MAP3K13: variants seen among roughly 807,000 people sequenced by gnomAD.
The protein encoded by MAP3K13 is leucine zipper-bearing kinase.
Under a neutral mutation model 104.0 loss-of-function variants are expected in MAP3K13, and 52 were observed. The observed-to-expected ratio is 0.50, with a 90% CI of 0.40 to 0.63. MAP3K13 has a LOEUF of 0.63. Ranked by LOEUF, MAP3K13 falls within the 20% of genes least tolerant of loss-of-function variation. The pLI, the probability that MAP3K13 is intolerant of heterozygous loss-of-function variation, is 0.00. For synonymous variants in MAP3K13, 394 were observed against 442.2 expected, an observed-to-expected ratio of 0.89 and a Z score of 1.37; for missense variants, 914 against 1,218.5, an observed-to-expected ratio of 0.75 and a Z score of 3.72.
intron 2 of MAP3K13, among the ~76,000 whole-genome samples, chr3:185,353,923 T>A (rs1050877761): frequency 1.7e-4 from 26 of 151,622 alleles, no homozygotes; most frequent in African/African-American, 6.1e-4. Context: ...GGTCATTCCA[T>A]CAAAGAGAAG....
chr3:185,473,185 C>T lies in MAP3K13; in HGVS notation c.1854C>T (p.Pro618=). ...NQPAQENSPH[P]TYLHQAQSQY... ...CAGCCCAGGAAAATTCACCCCATCC[C>T]ACTTACCTGCACCAAGCTCAATCCC... The change falls in exon 11 of 14, where the codon CCC becomes CCT. Residue 618 remains proline, a synonymous_variant. Transcript: ENST00000265026. The surrounding 1 kb of genome is among the most constrained non-coding windows in gnomAD (Gnocchi z 4.9). 3.7e-6 allele frequency: 6 copies of T among 1,614,206 alleles called. No individual in the cohort carries two copies. The highest frequency in any genetic ancestry group is 4.2e-6 in the Non-Finnish European group (5 of 1,180,046).
At chr3:185,341,754 G>A (rs1445579279) in intron 2 of MAP3K13, among the ~76,000 whole-genome samples, 1 of 152,192 alleles carries the variant, frequency 6.6e-6, no homozygotes, top group East Asian at 1.9e-4. Flanking sequence ...TCAGAGATTG[G>A]CAAACTATAG....
intron 9 of MAP3K13, among the ~76,000 whole-genome samples, chr3:185,466,469 C>T (rs1216983966): frequency 1.3e-5 from 2 of 150,448 alleles, no homozygotes; most frequent in Non-Finnish European, 1.5e-5. Flanking sequence ...CTCCGCCTCC[C>T]GGATTCAAGT....
At chr3:185,336,572 A>AG in intron 2 of MAP3K13, among the ~76,000 whole-genome samples, 1 of 12,882 alleles carries the variant, frequency 7.8e-5, no homozygotes, top group African/African-American at 8.8e-4. Flanking sequence ...AGAAAGTTTA[A>AG]GGAATAATAT....
At chr3:185,334,287 GC>G (rs1312294328) in intron 2 of MAP3K13, among the ~76,000 whole-genome samples, 1 of 152,112 alleles carries the variant, frequency 6.6e-6, no homozygotes, top group East Asian at 1.9e-4. Flanking sequence ...ATTTCAGCAG[GC>G]AATATTGACG....
intron 1 of MAP3K13, among the ~76,000 whole-genome samples, chr3:185,395,896 T>G (rs993612619): frequency 2.6e-5 from 4 of 151,818 alleles, no homozygotes; most frequent in African/African-American, 9.7e-5. Flanking sequence ...CAGGCTGGTC[T>G]TGAACTCCCG....
intron 1 of MAP3K13, among the ~76,000 whole-genome samples, chr3:185,407,776 T>C (rs1427423598): frequency 6.6e-6 from 1 of 152,160 alleles, no homozygotes; most frequent in Non-Finnish European, 1.5e-5. Flanking sequence ...TATAGTGTTG[T>C]CTTTTCTGTA....
At chr3:185,402,716 C>T (rs949216148) in intron 1 of MAP3K13, among the ~76,000 whole-genome samples, 1 of 152,128 alleles carries the variant, frequency 6.6e-6, no homozygotes, top group African/African-American at 2.4e-5. Flanking sequence ...TCATTGGACT[C>T]TGAGTGTGCA....
At chr3:185,446,261 T>A (rs1715587515) in intron 4 of MAP3K13, among the ~76,000 whole-genome samples, 1 of 149,592 alleles carries the variant, frequency 6.7e-6, no homozygotes, top group Non-Finnish European at 1.5e-5. Context: ...TCTTATCATT[T>A]TTTTTTTTTT....
At chr3:185,455,761 AGATATATATAT>A (rs1453243519) in intron 7 of MAP3K13, among the ~76,000 whole-genome samples, 14 of 73,704 alleles carry the variant, frequency 1.9e-4, no homozygotes, top group African/African-American at 1.6e-4. Context: ...TATATATATG[AGATATATATAT>A]GATATATATA....
At position 185,483,561 on chromosome 3, in the gene MAP3K13, T is replaced by C. The variant is rs1718575925; in HGVS notation, c.*1105T>C. 4.4e-6 allele frequency: 1 copy of C among 224,990 alleles called. No homozygotes were observed. Among genetic ancestry groups the C allele is most frequent in the Admixed American group, 5.7e-5 (1 of 17,460 alleles). 13.9% of individuals were successfully genotyped at this position (224,990 alleles called of 1,614,324 possible). A position where few individuals can be genotyped will look rare whatever the true frequency, so the allele number is the denominator to read the frequency against. ...AGGAGAAGATGGAACCACCCCTCTC[T>C]GGAGCCAGGTTGCTTGTCTACTTGA... On this transcript the variant is annotated 3_prime_UTR_variant, in exon 14 of 14. Coordinates refer to ENST00000265026, the MANE Select transcript of MAP3K13 (RefSeq NM_004721.5).
At chr3:185,355,825 T>C (rs970044023) in intron 2 of MAP3K13, among the ~76,000 whole-genome samples, 2 of 152,134 alleles carry the variant, frequency 1.3e-5, no homozygotes, top group African/African-American at 4.8e-5. Flanking sequence ...TAAGAGAAAA[T>C]GCATGAAATT....
Position 185,408,393 on chromosome 3 carries a change from G to A in MAP3K13, c.-85-20104G>A, listed in dbSNP as rs1713240449. 2.6e-5 allele frequency among the ~76,000 whole-genome samples: 4 copies of A among 152,162 alleles called. No individual in the cohort carries two copies. In the South Asian group the frequency reaches 8.3e-4, roughly 32 times the overall value. ...TTGAGACCAGCCTGGCCAACATGGT[G>A]AAATGCCATCTCCTCTAAAAGTACA... On this transcript the variant is annotated intron_variant, in intron 1 of 13. Transcript: ENST00000265026.
At chr3:185,400,901 G>GT (rs1326586136) in intron 1 of MAP3K13, among the ~76,000 whole-genome samples, 67 of 58,080 alleles carry the variant, frequency 1.2e-3, no homozygotes, top group African/African-American at 2.6e-3. Flanking sequence ...CTGGGTGTTT[G>GT]TTTGTTTTTT....
chr3:185,308,443 CT>C (rs1721380641), intron 2 of MAP3K13, among the ~76,000 whole-genome samples: 1 of 152,358 alleles, frequency 6.6e-6, no homozygotes, highest in East Asian at 1.9e-4. Context: ...AGAAAGCCAT[CT>C]CTTAGGCAGT....
chr3:185,374,647 T>C (rs1724334638), intron 1 of MAP3K13, among the ~76,000 whole-genome samples: 1 of 152,036 alleles, frequency 6.6e-6, no homozygotes, highest in African/African-American at 2.4e-5. Flanking sequence ...ATTACTTACT[T>C]GGTTGGCAAG....
rs186435741 is a variant in MAP3K13, at chr3:185,286,716, T to C, written c.-86+1073T>C. 1.4e-3 allele frequency among the ~76,000 whole-genome samples: 210 copies of C among 152,262 alleles called. 1 individual carries two copies. The highest frequency in any genetic ancestry group is 4.9e-3 in the African/African-American group (202 of 41,560). On this transcript the variant is annotated intron_variant, in intron 2 of 14. Coordinates refer to the MAP3K13 transcript ENST00000424227. ...CATTTGTGTTTATATAGAGCATACA[T>C]TTATATACATACATACAAAACTTCT...
At chr3:185,352,516 A>G (rs1381704057) in intron 2 of MAP3K13, among the ~76,000 whole-genome samples, 1 of 152,206 alleles carries the variant, frequency 6.6e-6, no homozygotes, top group Non-Finnish European at 1.5e-5. Flanking sequence ...AAGAGGAAAG[A>G]TTGGATATTC....
At chr3:185,460,250 C>T (rs1453144497) in intron 7 of MAP3K13, among the ~76,000 whole-genome samples, 2 of 152,198 alleles carry the variant, frequency 1.3e-5, no homozygotes, top group Non-Finnish European at 2.9e-5. Flanking sequence ...CTTTTCATAT[C>T]TTCCACCCAC....
Sources: gnomAD v4.1 joint callset for allele counts (sites outside exome capture counted in the v4.1 genomes callset) on GRCh38, gnomAD v4.1.1 for gene constraint, Gnocchi (gnomAD v3.1) non-coding constraint, MANE v1.5 for transcripts, NCBI Gene and HGNC (gene_info 2026-07-23, HGNC 2026-07-21) for gene names.